Variants in CDH7 observed in about 807,000 individuals in gnomAD.
The protein encoded by CDH7 is cadherin 7, also known as cadherin-7.
A neutral mutation model predicts 71.8 loss-of-function variants in CDH7; 25 were observed. The observed-to-expected ratio is 0.35, with a 90% CI of 0.25 to 0.49. CDH7 has a LOEUF of 0.49. CDH7 is among the 20% of genes least tolerant of loss of function. The probability of loss-of-function intolerance (pLI) is 0.99; values close to 1 mark genes in which losing one functional copy is unlikely to be tolerated. For missense variants in CDH7, 862 were observed against 974.6 expected, an observed-to-expected ratio of 0.88 and a Z score of 1.54; for synonymous variants, 381 against 363.8, an observed-to-expected ratio of 1.05 and a Z score of -0.54.
chr18:65,765,479 T>C (rs1368417937), intron 2 of CDH7, among the ~76,000 whole-genome samples: 2 of 151,338 alleles, frequency 1.3e-5, no homozygotes, highest in Non-Finnish European at 3.0e-5. Context: ...TTTTTTTTAG[T>C]TTTGGGAGGT....
intron 1 of CDH7, among the ~76,000 whole-genome samples, chr18:65,761,271 G>A (rs1916184247): frequency 6.6e-6 from 1 of 152,004 alleles, no homozygotes; most frequent in African/African-American, 2.4e-5. Context: ...ATTGGAACCT[G>A]TTTTTTCTAG....
chr18:65,771,892 A>G (rs1430088849), intron 2 of CDH7, among the ~76,000 whole-genome samples: 1 of 152,124 alleles, frequency 6.6e-6, no homozygotes, highest in Non-Finnish European at 1.5e-5. Flanking sequence ...TTAGGCTAGA[A>G]TCTTTGTCTT....
At chr18:65,801,226 T>C (rs1911111790) in intron 2 of CDH7, among the ~76,000 whole-genome samples, 1 of 152,116 alleles carries the variant, frequency 6.6e-6, no homozygotes, top group Admixed American at 6.5e-5. Context: ...AATAGGTGAT[T>C]AGTATATGTT....
At chr18:65,762,215 A>G (rs536844474) in intron 1 of CDH7, among the ~76,000 whole-genome samples, 6 of 152,134 alleles carry the variant, frequency 3.9e-5, no homozygotes, top group Non-Finnish European at 7.4e-5. Context: ...TGTCCTTCCC[A>G]TTTGGTTAAA....
At chr18:65,801,552 G>A (rs1012358319) in intron 2 of CDH7, among the ~76,000 whole-genome samples, 5 of 152,168 alleles carry the variant, frequency 3.3e-5, no homozygotes, top group East Asian at 3.9e-4. Flanking sequence ...AGAGTTAACA[G>A]TCAGAGCCTC....
At chr18:65,857,729 T>G in intron 7 of CDH7, 87 bp from the exon 8 acceptor site, 4 of 1,288,848 alleles carry the variant, frequency 3.1e-6, no homozygotes, top group Non-Finnish European at 4.4e-6. Flanking sequence ...GATTTAGTAA[T>G]GAGCTACACA....
intron 2 of CDH7, among the ~76,000 whole-genome samples, chr18:65,780,664 A>G (rs932744118): frequency 6.7e-6 from 1 of 149,864 alleles, no homozygotes; most frequent in Non-Finnish European, 1.5e-5. Flanking sequence ...ATTGATCTAT[A>G]TCTCTGTTTT....
intron 1 of CDH7, among the ~76,000 whole-genome samples, chr18:65,754,015 A>G (rs1210174322): frequency 6.6e-6 from 1 of 152,224 alleles, no homozygotes; most frequent in African/African-American, 2.4e-5. Flanking sequence ...ATTAAAAATT[A>G]TAGTTGATAC....
At chr18:65,840,213 A>G (rs1261929274) in intron 6 of CDH7, among the ~76,000 whole-genome samples, 1 of 152,094 alleles carries the variant, frequency 6.6e-6, no homozygotes, top group East Asian at 1.9e-4. Flanking sequence ...TTTAAAGACT[A>G]TTTTTGTACT....
In CDH7 at chr18:65,810,018, CT is replaced by C; in HGVS notation, c.505+24del. On this transcript the variant is annotated intron_variant, in intron 3 of 11. Transcript: ENST00000397968. ...CCGTGGGTAAGTAAAGAACACTCTG[CT>C]TTTGTAGCTTGTGGCCGATTTGGGG... 6.3e-7 allele frequency: 1 copy of C among 1,584,826 alleles called. No individual in the cohort carries two copies. The highest frequency in any genetic ancestry group is 8.6e-7 in the Non-Finnish European group (1 of 1,158,056).
intron 2 of CDH7, among the ~76,000 whole-genome samples, chr18:65,789,039 C>T (rs1910613462): frequency 6.6e-6 from 1 of 152,192 alleles, no homozygotes; most frequent in Admixed American, 6.5e-5. Flanking sequence ...GTAGTTTGTA[C>T]ACCCATGTGG....
At chr18:65,820,835 G>C (rs2143933744) in intron 4 of CDH7, among the ~76,000 whole-genome samples, 1 of 152,244 alleles carries the variant, frequency 6.6e-6, no homozygotes, top group South Asian at 2.1e-4. Context: ...GGATGAGGCT[G>C]CAGTGTTTCC....
chr18:65,763,076 G>A, intron 2 of CDH7, 24 bp downstream of exon 2: 2 of 1,514,198 alleles, frequency 1.3e-6, no homozygotes, highest in Non-Finnish European at 1.8e-6. Context: ...ACCTTTCAAA[G>A]TTGTAAATGA....
At chr18:65,867,503 C>T (rs758325223) in intron 11 of CDH7, among the ~76,000 whole-genome samples, 28 of 151,666 alleles carry the variant, frequency 1.8e-4, no homozygotes, top group Admixed American at 9.9e-4. Context: ...CTAAGACATT[C>T]GATTATTTAT....
At chr18:65,787,760 T>C (rs138134789) in intron 2 of CDH7, among the ~76,000 whole-genome samples, 1 of 152,260 alleles carries the variant, frequency 6.6e-6, no homozygotes, top group East Asian at 1.9e-4. Flanking sequence ...TAGCAGATGA[T>C]CTGATGTGTG....
At chr18:65,804,560 G>T (rs1441309929) in intron 2 of CDH7, among the ~76,000 whole-genome samples, 2 of 152,098 alleles carry the variant, frequency 1.3e-5, no homozygotes, top group African/African-American at 4.8e-5. Context: ...AAGATCACCA[G>T]AATAGCAGTG....
Position 65,814,475 on chromosome 18 carries a change from T to G in CDH7, c.506-10T>G, listed in dbSNP as rs373519098. 15 of 1,613,854 alleles carry G rather than the reference T, an allele frequency of 9.3e-6. No individual in the cohort carries two copies. The highest frequency in any genetic ancestry group is 1.3e-5 in the Non-Finnish European group (15 of 1,179,890). On this transcript the variant is annotated splice_polypyrimidine_tract_variant and intron_variant, in intron 3 of 11. Coordinates refer to ENST00000397968, the MANE Select transcript of CDH7 (RefSeq NM_004361.5). The stretch of plus-strand genomic sequence containing the variant: ...GTTTTTAATTCAGTGGTTTTGGGAT[T>G]GGCATCTAGGGACCTCAGTGGTACA...
Position 65,881,698 on chromosome 18 carries a change from T to G in CDH7, c.*804T>G, listed in dbSNP as rs376969692. ...TTTCTTTTTTATTTGACACATGGTG[T>G]TGTATTTATTTTGGAGCTCCAATCT... On this transcript the variant is annotated 3_prime_UTR_variant, in exon 12 of 12. Coordinates refer to ENST00000397968, the MANE Select transcript of CDH7 (RefSeq NM_004361.5). 2 of 152,272 alleles carry G rather than the reference T, an allele frequency of 1.3e-5. No homozygotes were observed. The highest frequency in any genetic ancestry group is 3.9e-4 in the East Asian group (2 of 5,176). 9.4% of individuals were successfully genotyped at this position (152,272 alleles called of 1,614,324 possible).
At chr18:65,852,800 G>C (rs1913197816) in intron 7 of CDH7, among the ~76,000 whole-genome samples, 1 of 152,158 alleles carries the variant, frequency 6.6e-6, no homozygotes, top group African/African-American at 2.4e-5. Flanking sequence ...CATGCAAATG[G>C]AAGTTTCTGC....
Sources: allele counts gnomAD v4.1 joint callset (sites outside exome capture counted in the v4.1 genomes callset), GRCh38; gene constraint gnomAD v4.1.1; transcripts MANE v1.5; gene names NCBI Gene and HGNC (gene_info 2026-07-23, HGNC 2026-07-21).